Variants in CSRNP3 observed in about 807,000 individuals in gnomAD.
The protein encoded by CSRNP3 is cysteine/serine-rich nuclear protein 3.
CSRNP3 carries 12 observed loss-of-function variants against 48.0 expected under a neutral mutation model. That is an observed-to-expected ratio of 0.25 (90% CI 0.16 to 0.41). The LOEUF (loss-of-function observed/expected upper bound fraction) is 0.41. Among genes scored for constraint, CSRNP3 ranks in the 10% least tolerant of loss-of-function variants. CSRNP3 has a pLI of 1.00. For synonymous variants in CSRNP3, 263 were observed against 269.7 expected, an observed-to-expected ratio of 0.98 and a Z score of 0.24; for missense variants, 580 against 724.4, an observed-to-expected ratio of 0.80 and a Z score of 2.29.
chr2:165,630,420 C>T (rs973780529), intron 4 of CSRNP3, among the ~76,000 whole-genome samples: 5 of 152,070 alleles, frequency 3.3e-5, no homozygotes, highest in African/African-American at 1.2e-4. Flanking sequence ...ATTTATAATG[C>T]CTTCTCTTTG....
At chr2:165,580,157 T>A (rs1685519670) in intron 3 of CSRNP3, among the ~76,000 whole-genome samples, 1 of 152,120 alleles carries the variant, frequency 6.6e-6, no homozygotes, top group Admixed American at 6.6e-5. Context: ...CTCGATCTCC[T>A]GACCTCGTGA....
At chr2:165,646,512 G>A (rs974024235) in intron 4 of CSRNP3, among the ~76,000 whole-genome samples, 3 of 152,168 alleles carry the variant, frequency 2.0e-5, no homozygotes, top group African/African-American at 7.2e-5. Context: ...GTGGTATTGA[G>A]AAAATGTAAA....
At chr2:165,505,026 T>G (rs541105143) in intron 2 of CSRNP3, among the ~76,000 whole-genome samples, 8 of 152,124 alleles carry the variant, frequency 5.3e-5, no homozygotes, top group Non-Finnish European at 8.8e-5. Context: ...ATTGTATGGA[T>G]TAGAGAAAAA....
intron 5 of CSRNP3, among the ~76,000 whole-genome samples, chr2:165,675,613 G>A (rs559766444): frequency 6.6e-6 from 1 of 152,192 alleles, no homozygotes; most frequent in African/African-American, 2.4e-5. Context: ...ACCATTTTGG[G>A]TGAGGGTTTG....
intron 3 of CSRNP3, among the ~76,000 whole-genome samples, chr2:165,585,340 G>C (rs538223005): frequency 6.6e-6 from 1 of 151,474 alleles, no homozygotes; most frequent in African/African-American, 2.4e-5. Flanking sequence ...ATAATTTGAC[G>C]TTGTGAATAT....
intron 3 of CSRNP3, among the ~76,000 whole-genome samples, chr2:165,591,004 G>A (rs537318816): frequency 6.6e-6 from 1 of 152,296 alleles, no homozygotes; most frequent in East Asian, 1.9e-4. Flanking sequence ...CTCAGAAGAA[G>A]ATAGGAAAAT....
chr2:165,618,731 A>G (rs1573922886), intron 4 of CSRNP3, among the ~76,000 whole-genome samples: 1 of 152,240 alleles, frequency 6.6e-6, no homozygotes, highest in Non-Finnish European at 1.5e-5. Flanking sequence ...GCTAGAAATA[A>G]TAGCCTTCAT....
chr2:165,527,169 A>T (rs1384878784), intron 3 of CSRNP3, among the ~76,000 whole-genome samples: 1 of 151,742 alleles, frequency 6.6e-6, no homozygotes, highest in African/African-American at 2.4e-5. Flanking sequence ...AGTTTATGAA[A>T]ACCACACTTA....
intron 4 of CSRNP3, among the ~76,000 whole-genome samples, chr2:165,632,797 A>G (rs1162504850): frequency 1.3e-5 from 2 of 152,194 alleles, no homozygotes; most frequent in South Asian, 2.1e-4. Flanking sequence ...GCTTTGCATT[A>G]TCAAGTTGAG....
At chr2:165,676,246 G>A in intron 5 of CSRNP3, 66 bp from the exon 6 acceptor site, 1 of 1,228,578 alleles carries the variant, frequency 8.1e-7, no homozygotes, top group Non-Finnish European at 1.2e-6. Context: ...TTCTCACCCA[G>A]TACAAACATA....
rs1216306223 is a variant in CSRNP3 at position 165,679,286 on chromosome 2, A to C, written c.1291A>C (p.Asn431His). The C allele has an allele frequency of 6.2e-6, 10 of 1,613,888 alleles. No homozygotes were observed. Among genetic ancestry groups the C allele is most frequent in the Non-Finnish European group, 7.6e-6 (9 of 1,179,938 alleles). ...TGCAAAGAATGCTTCTTTTTATGCC[A>C]ACTCTTCAACTCTGTATTACCAAAT... Reference protein sequence around the residue: ...SHAKNASFYANSSTLYYQIDS... With the variant: ...SHAKNASFYAHSSTLYYQIDS... Residue 431 changes from asparagine (N) to histidine (H), a missense_variant, in exon 7 of 7, where the codon AAC (asparagine) becomes CAC (histidine). Transcript: ENST00000651982.
rs570738523 is a variant in CSRNP3 at position 165,532,238 on chromosome 2, C to T, written c.-24+14277C>T. Among the ~76,000 whole-genome samples, 252 of 152,296 alleles carry T rather than the reference C, an allele frequency of 1.7e-3. 9 individuals carry two copies. In the South Asian group the frequency reaches 0.052, roughly 31 times the overall value. On this transcript the variant is annotated intron_variant, in intron 3 of 6. Coordinates refer to ENST00000651982, the MANE Select transcript of CSRNP3 (RefSeq NM_001172173.2). Reference sequence around the variant, plus strand: ...GCCAGCATCATCCTGATACCAAAGCCTGGCAGAGACACAACCAAAAAAGGG... The same window carrying T: ...GCCAGCATCATCCTGATACCAAAGCTTGGCAGAGACACAACCAAAAAAGGG...
At chr2:165,623,918 A>G (rs934364359) in intron 4 of CSRNP3, among the ~76,000 whole-genome samples, 12 of 152,136 alleles carry the variant, frequency 7.9e-5, no homozygotes, top group African/African-American at 2.9e-4. Context: ...TTCTCTCCAC[A>G]AAAGGGAGTA....
intron 3 of CSRNP3, among the ~76,000 whole-genome samples, chr2:165,545,296 G>T (rs551440742): frequency 6.6e-6 from 1 of 152,138 alleles, no homozygotes; most frequent in Non-Finnish European, 1.5e-5. Context: ...AGTCACTACA[G>T]GAGACATGGT....
intron 5 of CSRNP3, among the ~76,000 whole-genome samples, chr2:165,673,328 T>C (rs951705446): frequency 7.9e-5 from 12 of 151,594 alleles, no homozygotes; most frequent in Non-Finnish European, 1.6e-4. Context: ...AGCAGAGATG[T>C]GGTTTTGCCA....
chr2:165,652,834 G>A (rs762290402), intron 4 of CSRNP3, among the ~76,000 whole-genome samples: 35 of 152,118 alleles, frequency 2.3e-4, no homozygotes, highest in Non-Finnish European at 4.6e-4. Flanking sequence ...GTGAGCCACC[G>A]CGCTGGCCAA....
chr2:165,544,389 T>G (rs986496428), intron 3 of CSRNP3, among the ~76,000 whole-genome samples: 1 of 152,160 alleles, frequency 6.6e-6, no homozygotes, highest in Non-Finnish European at 1.5e-5. Context: ...AGTTATATGG[T>G]TCTTTTGGCT....
At chr2:165,495,550 T>C (rs914393444) in intron 2 of CSRNP3, among the ~76,000 whole-genome samples, 1 of 152,098 alleles carries the variant, frequency 6.6e-6, no homozygotes, top group African/African-American at 2.4e-5. Flanking sequence ...CATTTTCAAA[T>C]GGCAATCCTT....
At chr2:165,601,302 T>C (rs888222656) in intron 4 of CSRNP3, among the ~76,000 whole-genome samples, 4 of 152,160 alleles carry the variant, frequency 2.6e-5, no homozygotes, top group Admixed American at 1.3e-4. Context: ...ACATAAGTAA[T>C]GAAAAGCTAT....
Sources: allele counts gnomAD v4.1 joint callset (sites outside exome capture counted in the v4.1 genomes callset), GRCh38; gene constraint gnomAD v4.1.1; transcripts MANE v1.5; gene names NCBI Gene and HGNC (gene_info 2026-07-23, HGNC 2026-07-21).